Variants in ST6GALNAC3 observed in about 807,000 individuals in gnomAD.
ST6GALNAC3 encodes ST6 N-acetylgalactosaminide alpha-2,6-sialyltransferase 3, also known as alpha-N-acetylgalactosaminide alpha-2,6-sialyltransferase 3.
ST6GALNAC3 carries 25 observed loss-of-function variants against 32.7 expected under a neutral mutation model. The ratio of observed to expected loss-of-function variants is 0.76; its 90% CI spans 0.56 to 1.07. ST6GALNAC3 has a LOEUF of 1.07. Among genes scored for constraint, ST6GALNAC3 ranks in the 50% least tolerant of loss-of-function variants. The pLI, the probability that ST6GALNAC3 is intolerant of heterozygous loss-of-function variation, is 0.00. For synonymous variants in ST6GALNAC3, 129 were observed against 133.1 expected, an observed-to-expected ratio of 0.97 and a Z score of 0.21; for missense variants, 355 against 382.4, an observed-to-expected ratio of 0.93 and a Z score of 0.60.
At chr1:76,526,220 A>G (rs1662902940) in intron 3 of ST6GALNAC3, among the ~76,000 whole-genome samples, 1 of 151,976 alleles carries the variant, frequency 6.6e-6, no homozygotes. Context: ...CAACACTCCC[A>G]GATCTTCTCA....
At chr1:76,489,182 T>C (rs1660330898) in intron 3 of ST6GALNAC3, among the ~76,000 whole-genome samples, 1 of 152,186 alleles carries the variant, frequency 6.6e-6, no homozygotes, top group Non-Finnish European at 1.5e-5. Flanking sequence ...CAAACATTGC[T>C]TATCAAGATT....
chr1:76,558,304 A>C (rs1395002151), intron 3 of ST6GALNAC3, among the ~76,000 whole-genome samples: 1 of 152,150 alleles, frequency 6.6e-6, no homozygotes, highest in African/African-American at 2.4e-5. Flanking sequence ...TACGTTCATC[A>C]CAGCACTATT....
rs556292093 is a variant in ST6GALNAC3 at position 76,505,846 on chromosome 1, G to C, written c.623+93429G>C. 6.5e-3 allele frequency among the ~76,000 whole-genome samples: 994 copies of C among 152,300 alleles called. 17 individuals carry two copies. The highest frequency in any genetic ancestry group is 0.023 in the African/African-American group (964 of 41,548). ...AAAATAGATGCATGGGGCAACGTGT[G>C]CATGGGGAAAGTGGGTGCAGCTTAA... is the stretch of plus-strand genomic sequence containing the variant. On this transcript the variant is annotated intron_variant, in intron 3 of 4. Transcript: ENST00000328299.
chr1:76,495,503 T>C (rs1344014761), intron 3 of ST6GALNAC3, among the ~76,000 whole-genome samples: 1 of 152,134 alleles, frequency 6.6e-6, no homozygotes, highest in Non-Finnish European at 1.5e-5. Flanking sequence ...TAAAAAAAAT[T>C]ATTTCTAACT....
intron 2 of ST6GALNAC3, among the ~76,000 whole-genome samples, chr1:76,337,187 C>T (rs1043317965): frequency 3.9e-5 from 6 of 152,176 alleles, no homozygotes; most frequent in Non-Finnish European, 5.9e-5. Context: ...GCAGGGCTAA[C>T]CCCCGCCCCT....
chr1:76,193,518 C>T (rs1000399385), intron 1 of ST6GALNAC3, among the ~76,000 whole-genome samples: 12 of 152,098 alleles, frequency 7.9e-5, no homozygotes, highest in Non-Finnish European at 1.5e-4. Flanking sequence ...TGCTTCCTCC[C>T]TGCCACCCCA....
intron 1 of ST6GALNAC3, among the ~76,000 whole-genome samples, chr1:76,170,546 G>T (rs568243805): frequency 6.6e-6 from 1 of 152,142 alleles, no homozygotes; most frequent in South Asian, 2.1e-4. Context: ...TTCATTACTG[G>T]TTTATTACTT....
At chr1:76,261,043 A>G (rs574599350) in intron 1 of ST6GALNAC3, among the ~76,000 whole-genome samples, 2 of 152,016 alleles carry the variant, frequency 1.3e-5, no homozygotes, top group East Asian at 1.9e-4. Flanking sequence ...GCTTATTAAC[A>G]TATTATTAAC....
chr1:76,619,299 G>A (rs1015259767), intron 3 of ST6GALNAC3, among the ~76,000 whole-genome samples: 7 of 151,992 alleles, frequency 4.6e-5, no homozygotes, highest in Non-Finnish European at 7.4e-5. Context: ...TACATTTAAC[G>A]TTTATGTAAA....
At chr1:76,418,830 G>T (rs920845975) in intron 3 of ST6GALNAC3, among the ~76,000 whole-genome samples, 2 of 151,724 alleles carry the variant, frequency 1.3e-5, no homozygotes, top group African/African-American at 4.8e-5. Flanking sequence ...ACGCTAACAA[G>T]CATTATGAAA....
chr1:76,355,612 A>G (rs1649374677), intron 2 of ST6GALNAC3, among the ~76,000 whole-genome samples: 1 of 152,200 alleles, frequency 6.6e-6, no homozygotes, highest in Non-Finnish European at 1.5e-5. Context: ...AATAACTTCC[A>G]CCATAGCCCG....
intron 3 of ST6GALNAC3, among the ~76,000 whole-genome samples, chr1:76,464,966 T>C (rs1279109632): frequency 1.3e-5 from 2 of 151,854 alleles, no homozygotes; most frequent in African/African-American, 4.8e-5. Context: ...TGGCATCAGG[T>C]TTAAGATTAT....
rs1655623348 is a variant in ST6GALNAC3 at position 76,429,692 on chromosome 1, G to A, written c.623+17275G>A. Among the ~76,000 whole-genome samples, 3 of 152,118 alleles carry A rather than the reference G, an allele frequency of 2.0e-5. No individual in the cohort carries two copies. The South Asian group carries it at 6.2e-4, about 32-fold the overall frequency. The stretch of plus-strand genomic sequence containing the variant: ...TGTCACCAGGGTTTCCAACTGCTCA[G>A]GTTTCACTTACAGAATGATAGACTG... On this transcript the variant is annotated intron_variant, in intron 3 of 4. Coordinates refer to ENST00000328299, the MANE Select transcript of ST6GALNAC3 (RefSeq NM_152996.4).
chr1:76,477,633 T>C (rs1438505734), intron 3 of ST6GALNAC3, among the ~76,000 whole-genome samples: 1 of 152,184 alleles, frequency 6.6e-6, no homozygotes, highest in African/African-American at 2.4e-5. Flanking sequence ...CATTTGTCCC[T>C]GTGCCCAGAA....
rs559685069 is a variant in ST6GALNAC3, at chr1:76,465,097, A to G, written c.623+52680A>G. Among the ~76,000 whole-genome samples, 5 of 152,324 alleles carry G rather than the reference A, an allele frequency of 3.3e-5. No individual in the cohort carries two copies. In the South Asian group the frequency reaches 1.0e-3, roughly 32 times the overall value. On this transcript the variant is annotated intron_variant, in intron 3 of 4. Coordinates refer to ENST00000328299, the MANE Select transcript of ST6GALNAC3 (RefSeq NM_152996.4). ...GAGTAGAGGGCATGGAATTTGAGGG[A>G]AAAGGAGGAAGAATAAATGAACAGC...
chr1:76,462,726 G>C (rs997471103), intron 3 of ST6GALNAC3, among the ~76,000 whole-genome samples: 2 of 152,046 alleles, frequency 1.3e-5, no homozygotes, highest in African/African-American at 2.4e-5. Context: ...CACAGTATTT[G>C]TTTAAGATGG....
intron 2 of ST6GALNAC3, among the ~76,000 whole-genome samples, chr1:76,393,170 A>T (rs927400657): frequency 6.6e-6 from 1 of 152,226 alleles, no homozygotes; most frequent in African/African-American, 2.4e-5. Flanking sequence ...AAAGTAAACT[A>T]TTCTTTATTT....
chr1:76,139,152 C>CCA (rs1365629125), intron 1 of ST6GALNAC3, among the ~76,000 whole-genome samples: 1 of 151,914 alleles, frequency 6.6e-6, no homozygotes, highest in African/African-American at 2.4e-5. Context: ...CGAGATCGCG[C>CCA]CACTGCACTC....
At chr1:76,320,298 A>G (rs12039112) in intron 2 of ST6GALNAC3, among the ~76,000 whole-genome samples, 61,176 of 152,118 alleles carry the variant, frequency 0.4, 14,333 homozygotes, top group East Asian at 0.83. Context: ...CCTAATGTCT[A>G]TGCTGGTAAT....
Sources: gnomAD v4.1 joint callset for allele counts (sites outside exome capture counted in the v4.1 genomes callset) on GRCh38, gnomAD v4.1.1 for gene constraint, MANE v1.5 for transcripts, NCBI Gene and HGNC (gene_info 2026-07-23, HGNC 2026-07-21) for gene names.